Variants in TTN observed in about 807,000 individuals in gnomAD.
TTN encodes connectin.
A neutral mutation model predicts 3,223.0 loss-of-function variants in TTN; 1,525 were observed. The ratio of observed to expected loss-of-function variants is 0.47; its 90% CI spans 0.45 to 0.49. TTN has a LOEUF of 0.49. TTN is among the 20% of genes least tolerant of loss of function. The pLI is 0.00. For missense variants in TTN, 40,786 were observed against 43,424.0 expected (o/e 0.94, Z 5.40); for synonymous variants, 14,094 against 15,161.0 (o/e 0.93, Z 5.17).
In TTN at chr2:178,577,285, T is replaced by G. The variant is rs1393720998; in HGVS notation, c.69050A>C (p.Glu23017Ala). The change falls in exon 324 of 363, where the codon GAA (glutamate) becomes GCA (alanine). Residue 23017 changes from glutamate to alanine, a missense_variant. Glu to Ala is a moderately radical substitution (Grantham distance 107, BLOSUM62 -1). Transcript: ENST00000589042. ...AGGATTGGTAGCAGTGATGGTATAT[T>G]CACCCGCATCTTTTCTAGTGGCATA... ...IKYATRKDAGEYTITATNPFG... is the reference protein window; with the variant it reads ...IKYATRKDAGAYTITATNPFG... 9 of 1,612,938 alleles carry G rather than the reference T, an allele frequency of 5.6e-6. No individual in the cohort carries two copies. In the East Asian group the frequency reaches 1.8e-4, roughly 32 times the overall value.
At chr2:178,766,700 G>T in intron 40 of TTN, 88 bp from the exon 41 acceptor site, 1 of 981,220 alleles carries the variant, frequency 1.0e-6, no homozygotes, top group Non-Finnish European at 1.6e-6. Context: ...TCTAAAACTG[G>T]TCAATGAATG....
At position 178,717,646 on chromosome 2, in the gene TTN, A is replaced by G; in HGVS notation, c.25228T>C (p.Phe8410Leu). The stretch of plus-strand genomic sequence containing the variant: ...TGAAGAGTTGCTACATTATGAACAA[A>G]AGATGTCTGCAAATTAGCATCATCT... Reference protein sequence around the residue: ...LKDDANLQTSFVHNVATLQIL... With the variant: ...LKDDANLQTSLVHNVATLQIL... Residue 8410 changes from phenylalanine to leucine, a missense_variant, in exon 87 of 363, where the codon TTT becomes CTT. Physicochemically the swap from Phe to Leu is conservative, Grantham distance 22. Transcript: ENST00000589042. The G allele has an allele frequency of 6.2e-7, 1 of 1,613,378 alleles. No homozygotes were observed. Among genetic ancestry groups the G allele is most frequent in the Non-Finnish European group, 8.5e-7 (1 of 1,179,586 alleles).
At position 178,549,255 on chromosome 2, in the gene TTN, A is replaced by G. The variant is rs760556090; in HGVS notation, c.92371T>C (p.Tyr30791His). The change falls in exon 339 of 363, where the codon TAT becomes CAT. Residue 30791 changes from tyrosine to histidine, a missense_variant. Tyr to His is a moderately conservative substitution (Grantham distance 83, BLOSUM62 2). Coordinates refer to ENST00000589042, the MANE Select transcript of TTN (RefSeq NM_001267550.2). ...KVTGLTEGNE[Y>H]EFHVMAENAA... Reference sequence around the variant, plus strand: ...TTTTCAGCCATGACATGGAATTCATACTCATTGCCTTCTGTCAGACCAGTG... The same window carrying G: ...TTTTCAGCCATGACATGGAATTCATGCTCATTGCCTTCTGTCAGACCAGTG... The G allele has an allele frequency of 6.2e-7, 1 of 1,613,756 alleles. No individual in the cohort carries two copies. Among genetic ancestry groups the G allele is most frequent in the East Asian group, 2.2e-5 (1 of 44,872 alleles).
rs187920950 is a variant in TTN, at chr2:178,754,177, C to T, written c.11255-997G>A. On this transcript the variant is annotated intron_variant, in intron 46 of 362. Transcript: ENST00000589042. ...TTTATGTTTATTATGCACATAATAACTGTATTCAAAAAGACTTCCAGGGGT... is the reference window on the plus strand; with the variant it reads ...TTTATGTTTATTATGCACATAATAATTGTATTCAAAAAGACTTCCAGGGGT... Among the ~76,000 whole-genome samples the T allele has an allele frequency of 2.9e-3, 438 of 152,126 alleles. 2 individuals are homozygous for T. The highest frequency in any genetic ancestry group is 4.1e-3 in the Non-Finnish European group (282 of 67,996).
chr2:178,669,872 T>G (rs1308161726), intron 157 of TTN, among the ~76,000 whole-genome samples, 197 bp from the exon 158 acceptor site: 3 of 152,072 alleles, frequency 2.0e-5, no homozygotes, highest in African/African-American at 2.4e-5. Context: ...CAGAAACACT[T>G]TGCTCTTTGG....
chr2:178,608,432 C>T lies in TTN; in HGVS notation c.52451G>A (p.Ser17484Asn). 6.2e-7 allele frequency: 1 copy of T among 1,607,694 alleles called. No individual in the cohort carries two copies. The highest frequency in any genetic ancestry group is 8.5e-7 in the Non-Finnish European group (1 of 1,176,720). The change falls in exon 275 of 363, where the codon AGC becomes AAC. Residue 17484 changes from serine (S) to asparagine (N), a missense_variant. Physicochemically the swap from Ser to Asn is conservative, Grantham distance 46. Transcript: ENST00000589042. ...ATTCCATTTCACTAGCATACTGTTG[C>T]TGGTAACATCTTCCACAATGGGCTT... Reference protein sequence around the residue: ...PDKPIVEDVTSNSMLVKWNEP... With the variant: ...PDKPIVEDVTNNSMLVKWNEP...
chr2:178,805,055 C>G (rs2094250763), intron 1 of TTN, among the ~76,000 whole-genome samples: 1 of 152,058 alleles, frequency 6.6e-6, no homozygotes, highest in Non-Finnish European at 1.5e-5. Flanking sequence ...GTAAAATAAA[C>G]CTCTGGGCCT....
intron 236 of TTN, 78 bp downstream of exon 236, chr2:178,632,069 G>A: frequency 7.0e-7 from 1 of 1,419,974 alleles, no homozygotes. Flanking sequence ...ACACTTAGAA[G>A]ACTATTTTAT....
At chr2:178,529,924 C>A in intron 359 of TTN, 36 bp downstream of exon 359, 1 of 1,568,816 alleles carries the variant, frequency 6.4e-7, no homozygotes, top group Admixed American at 2.2e-5. Context: ...ATATTATCTT[C>A]TGAAGAAATG....
At position 178,532,780 on chromosome 2, in the gene TTN, G is replaced by A; in HGVS notation, c.103835C>T (p.Thr34612Ile). 1 of 1,613,968 alleles carries A rather than the reference G, an allele frequency of 6.2e-7. No individual in the cohort carries two copies. Among genetic ancestry groups the A allele is most frequent in the Non-Finnish European group, 8.5e-7 (1 of 1,179,868 alleles). The change falls in exon 358 of 363, where the codon ACA becomes ATA. Residue 34612 changes from threonine to isoleucine, a missense_variant. Transcript: ENST00000589042. ...ACGCCATTTAGGTCTGTATTGATCT[G>A]TAATGCGTGGAAGAGGCATCACATA... ...QFYVMPLPRITDQYRPKWRIP... is the reference protein window; with the variant it reads ...QFYVMPLPRIIDQYRPKWRIP...
Position 178,547,073 on chromosome 2 carries a change from A to C in TTN, c.94452T>G (p.Tyr31484Ter), listed in dbSNP as rs763668385. The C allele has an allele frequency of 6.2e-7, 1 of 1,613,730 alleles. No individual in the cohort carries two copies. The highest frequency in any genetic ancestry group is 1.3e-5 in the African/African-American group (1 of 74,944). ...TGCTAACACCTGCAGCATTGAGTGCATAAGTTCTGAACTGATATTCCAGTC... is the reference window on the plus strand; with the variant it reads ...TGCTAACACCTGCAGCATTGAGTGCCTAAGTTCTGAACTGATATTCCAGTC... ...VEGLEYQFRTYALNAAGVSKA... is the reference protein window; with the variant it reads ...VEGLEYQFRT Residue 31484 changes from tyrosine (Y) to a stop codon, truncating the protein, a stop_gained, in exon 340 of 363, where the codon TAT becomes TAG. Coordinates refer to ENST00000589042, the MANE Select transcript of TTN (RefSeq NM_001267550.2). LOFTEE classifies it high-confidence loss of function.
chr2:178,529,292 G>T lies in TTN; in HGVS notation c.106532-73C>A, dbSNP rs570678891. 6.9e-6 allele frequency: 8 copies of T among 1,166,224 alleles called. No homozygotes were observed. The South Asian group carries it at 1.0e-4, about 15-fold the overall frequency. The allele number at this position is 1,166,224 out of a possible 1,614,324, so 72.2% of individuals were successfully genotyped here. ...CACCTTTTACTCTTCTAGATTCTGC[G>T]TGTGAAAAACATAAAAAGAAAAAAA... On this transcript the variant is annotated intron_variant, in intron 359 of 362. Transcript: ENST00000589042.
chr2:178,799,182 C>A, intron 6 of TTN: 2 of 388,026 alleles, frequency 5.2e-6, no homozygotes, highest in Non-Finnish European at 9.8e-6. Context: ...GACAAACACT[C>A]CTGCCTTCCC....
Position 178,790,028 on chromosome 2 carries a change from T to C in TTN, c.1888A>G (p.Arg630Gly), listed in dbSNP as rs1287063424. The C allele has an allele frequency of 6.2e-7, 1 of 1,613,312 alleles. No homozygotes were observed. The highest frequency in any genetic ancestry group is 8.5e-7 in the Non-Finnish European group (1 of 1,179,498). Residue 630 changes from arginine (R) to glycine (G), a missense_variant, in exon 12 of 363, where the codon AGA (arginine) becomes GGA (glycine). Physicochemically the swap from Arg to Gly is moderately radical, Grantham distance 125. Transcript: ENST00000589042. Reference protein sequence around the residue: ...VKEQDLVSRGREGITTKREQV... With the variant: ...VKEQDLVSRGGEGITTKREQV... ...TCTCTTTTGGTAGTAATGCCTTCTC[T>C]ACCTCTTGATACTAAATCTTGTTCT...
Position 178,593,700 on chromosome 2 carries a change from T to C in TTN, c.58600A>G (p.Ser19534Gly). ...KDVWMPVTSA[S>G]AKTTCKVSKL... Reference sequence around the variant, plus strand: ...GAAACTTTGCATGTTGTTTTAGCACTTGCAGATGTCACTGGCATCCAGACG... The same window carrying C: ...GAAACTTTGCATGTTGTTTTAGCACCTGCAGATGTCACTGGCATCCAGACG... The change falls in exon 298 of 363, where the codon AGT becomes GGT. Residue 19534 changes from serine to glycine, a missense_variant. By Grantham distance (56) the Ser-to-Gly change is moderately conservative. Coordinates refer to ENST00000589042, the MANE Select transcript of TTN (RefSeq NM_001267550.2). The C allele has an allele frequency of 6.2e-7, 1 of 1,613,414 alleles. No individual in the cohort carries two copies. The highest frequency in any genetic ancestry group is 1.1e-5 in the South Asian group (1 of 91,056).
At chr2:178,794,231 G>A (rs2093653941) in intron 8 of TTN, among the ~76,000 whole-genome samples, 168 bp downstream of exon 8, 1 of 152,134 alleles carries the variant, frequency 6.6e-6, no homozygotes, top group East Asian at 1.9e-4. Context: ...TGACATCTCC[G>A]ACCACCTTTT....
rs1402912841 is a variant in TTN at position 178,725,501 on chromosome 2, G to C, written c.20703C>G (p.Ile6901Met). 6.2e-7 allele frequency: 1 copy of C among 1,613,316 alleles called. No homozygotes were observed. Among genetic ancestry groups the C allele is most frequent in the South Asian group, 1.1e-5 (1 of 91,020 alleles). Reference protein sequence around the residue: ...KEEVIRESENIRITFVENVAT... With the variant: ...KEEVIRESENMRITFVENVAT... ...CAACATTTTCCACAAATGTAATCCT[G>C]ATGTTTTCACTTTCTCTAATCACTT... The change falls in exon 71 of 363, where the codon ATC (isoleucine) becomes ATG (methionine). Residue 6901 changes from isoleucine to methionine, a missense_variant. Ile to Met is a conservative substitution (Grantham distance 10). Transcript: ENST00000589042.
At chr2:178,726,888 A>G in intron 69 of TTN, 1 of 437,000 alleles carries the variant, frequency 2.3e-6, no homozygotes, top group Non-Finnish European at 3.8e-6. Flanking sequence ...CACTGGAATA[A>G]CAAAAATATT....
rs745587829 is a variant in TTN, at chr2:178,569,935, A to G, written c.76197T>C (p.Ala25399=). 4 of 1,612,936 alleles carry G rather than the reference A, an allele frequency of 2.5e-6. No individual in the cohort carries two copies. In the East Asian group the frequency reaches 8.9e-5, roughly 36 times the overall value. Residue 25399 remains alanine (A), a synonymous_variant, in exon 326 of 363, where the codon GCT becomes GCC. Coordinates refer to ENST00000589042, the MANE Select transcript of TTN (RefSeq NM_001267550.2). ...EPSPPSAYQK[A]CDPIYKPGPP... ...GTCCTGGTTTATAAATAGGATCACAAGCCTTTTGGTAAGCAGAAGGAGGGC... is the reference window on the plus strand; with the variant it reads ...GTCCTGGTTTATAAATAGGATCACAGGCCTTTTGGTAAGCAGAAGGAGGGC...
Sources: gnomAD v4.1 joint callset for allele counts (sites outside exome capture counted in the v4.1 genomes callset) on GRCh38, gnomAD v4.1.1 for gene constraint, MANE v1.5 for transcripts, NCBI Gene and HGNC (gene_info 2026-07-23, HGNC 2026-07-21) for gene names.